The following COXFA4 variants were observed in gnomAD, a reference collection of about 807,000 sequenced individuals.
COXFA4 encodes the protein cytochrome c oxidase subunit FA4.
At chr7:10,940,089 G>A in the COXFA4 span, 9 of 1,611,854 alleles carry the variant, frequency 5.6e-6, no homozygotes, top group Middle Eastern at 1.7e-4. Context: ...CTGGAAAGGA[G>A]AGAACCGACC....
At chr7:10,940,150 T>G in the COXFA4 span, 1 of 1,305,726 alleles carries the variant, frequency 7.7e-7, no homozygotes, top group Non-Finnish European at 1.1e-6. Flanking sequence ...CACTACGGAC[T>G]TCCAAAGTCA....
At chr7:10,934,375 T>TAAAA in the COXFA4 span, among the ~76,000 whole-genome samples, 2 of 102,378 alleles carry the variant, frequency 2.0e-5, no homozygotes, top group African/African-American at 1.2e-4. Context: ...TGTGATTGCT[T>TAAAA]TAAAAAAAAA....
At chr7:10,935,371 G>A in the COXFA4 span, among the ~76,000 whole-genome samples, 1 of 152,214 alleles carries the variant, frequency 6.6e-6, no homozygotes, top group Non-Finnish European at 1.5e-5. Context: ...GCTTTGGGGA[G>A]CTTCAACTGT....
At chr7:10,933,070 TA>T in the COXFA4 span, 1 of 154,156 alleles carries the variant, frequency 6.5e-6, no homozygotes, top group South Asian at 2.0e-4. Flanking sequence ...TTAGCACTGA[TA>T]AACTCAGATT....
chr7:10,938,753 G>T, the COXFA4 span: 3 of 1,258,316 alleles, frequency 2.4e-6, no homozygotes, highest in Non-Finnish European at 3.5e-6. Context: ...AGAGACTGTG[G>T]CTCCTAAACT....
chr7:10,940,152 C>T, the COXFA4 span: 1 of 1,262,198 alleles, frequency 7.9e-7, no homozygotes, highest in East Asian at 2.3e-5. Context: ...CTACGGACTT[C>T]CAAAGTCACC....
At chr7:10,938,855 T>C in the COXFA4 span, 1 of 1,613,708 alleles carries the variant, frequency 6.2e-7, no homozygotes, top group African/African-American at 1.3e-5. Context: ...ACAGTGTTGC[T>C]CCAGTAGCTC....
the COXFA4 span, chr7:10,938,849 T>C: frequency 1.9e-6 from 3 of 1,613,822 alleles, no homozygotes; most frequent in African/African-American, 4.0e-5. Flanking sequence ...AGAGATACAG[T>C]GTTGCTCCAG....
chr7:10,933,535 G>A, the COXFA4 span: 5 of 830,272 alleles, frequency 6.0e-6, no homozygotes, highest in East Asian at 1.0e-4. Context: ...ATGATTTCAT[G>A]CATTTAGAGG....
At chr7:10,932,051 G>C in the COXFA4 span, 1 of 152,198 alleles carries the variant, frequency 6.6e-6, no homozygotes. Flanking sequence ...TTGTGCCAAA[G>C]GATCTAGAGT....
chr7:10,936,170 G>C, the COXFA4 span, among the ~76,000 whole-genome samples: 1 of 152,170 alleles, frequency 6.6e-6, no homozygotes, highest in Admixed American at 6.5e-5. Flanking sequence ...ATTTACTCCA[G>C]CTTCTCAAGT....
At chr7:10,937,927 T>C in the COXFA4 span, 1 of 623,974 alleles carries the variant, frequency 1.6e-6, no homozygotes, top group East Asian at 2.7e-5. Flanking sequence ...AAAATATTTA[T>C]TAGAGCAATA....
chr7:10,939,833 A>G, the COXFA4 span: 1 of 747,328 alleles, frequency 1.3e-6, no homozygotes, highest in Non-Finnish European at 2.4e-6. Context: ...AAACCCCACA[A>G]TGCATGGCGT....
the COXFA4 span, chr7:10,937,838 C>T: frequency 2.0e-6 from 1 of 494,716 alleles, no homozygotes; most frequent in Non-Finnish European, 3.6e-6. Flanking sequence ...GTTAGACTAC[C>T]TAAGAACTAA....
At chr7:10,939,852 A>T in the COXFA4 span, 1 of 819,090 alleles carries the variant, frequency 1.2e-6, no homozygotes. Context: ...GTAGAGGGTC[A>T]CAGAGGCCTG....
chr7:10,933,590 C>G, the COXFA4 span: 2 of 1,502,564 alleles, frequency 1.3e-6, no homozygotes, highest in Non-Finnish European at 1.8e-6. Flanking sequence ...GATGTGGCTT[C>G]TGGAAGACCT....
At chr7:10,933,380 T>C in the COXFA4 span, 1 of 425,658 alleles carries the variant, frequency 2.3e-6, no homozygotes, top group African/African-American at 2.0e-5. Flanking sequence ...ATTCAAGAAA[T>C]TCTTTAAATT....
the COXFA4 span, chr7:10,932,204 C>T: frequency 6.6e-6 from 1 of 150,520 alleles, no homozygotes; most frequent in Non-Finnish European, 1.5e-5. Context: ...AGCTACTAAA[C>T]AAGCTAAAGC....
the COXFA4 span, among the ~76,000 whole-genome samples, chr7:10,937,359 T>C: frequency 0.063 from 9,502 of 152,020 alleles, 461 homozygotes; most frequent in Non-Finnish European, 0.09. Context: ...CCTGGCTCAC[T>C]GCAACCTCCA....
Sources: allele counts gnomAD v4.1 joint callset (sites outside exome capture counted in the v4.1 genomes callset), GRCh38; gene constraint gnomAD v4.1.1; transcripts MANE v1.5; gene names NCBI Gene and HGNC (gene_info 2026-07-23, HGNC 2026-07-21).